PON3: variants seen among roughly 807,000 people sequenced by gnomAD.
The protein encoded by PON3 is paraoxonase 3, also known as serum paraoxonase/lactonase 3.
PON3 carries 37 observed loss-of-function variants against 36.3 expected under a neutral mutation model. The ratio of observed to expected loss-of-function variants is 1.02; its 90% CI spans 0.78 to 1.34. PON3 has a LOEUF of 1.34. Ranked by LOEUF, PON3 falls within the 40% of genes most tolerant of loss-of-function variation. The pLI is 0.00. For missense variants in PON3, 415 were observed against 426.5 expected, an observed-to-expected ratio of 0.97 and a Z score of 0.24; for synonymous variants, 155 against 154.8, an observed-to-expected ratio of 1.00 and a Z score of -0.01.
chr7:95,396,213 C>T, intron 1 of PON3, 64 bp downstream of exon 1: 1 of 1,564,756 alleles, frequency 6.4e-7, no homozygotes, highest in Non-Finnish European at 8.8e-7. Context: ...GCCAGGCAGC[C>T]CCTGACCTCA....
At chr7:95,391,087 C>A (rs924774846) in intron 2 of PON3, among the ~76,000 whole-genome samples, 1 of 152,192 alleles carries the variant, frequency 6.6e-6, no homozygotes, top group Non-Finnish European at 1.5e-5. Context: ...AACTTCATTT[C>A]TTTACTCTTT....
chr7:95,365,283 G>A (rs1808665816), intron 5 of PON3: 1 of 152,224 alleles, frequency 6.6e-6, no homozygotes, highest in South Asian at 2.1e-4. Context: ...TTCCCAGAGG[G>A]GCAGCCTAGC....
chr7:95,381,061 GA>G (rs1184583594), intron 3 of PON3, among the ~76,000 whole-genome samples: 7 of 152,172 alleles, frequency 4.6e-5, no homozygotes, highest in Non-Finnish European at 8.8e-5. Context: ...CGATATTAAA[GA>G]AAAGAATTTT....
chr7:95,368,595 A>T (rs2116384784), intron 4 of PON3, among the ~76,000 whole-genome samples: 1 of 152,300 alleles, frequency 6.6e-6, no homozygotes, highest in South Asian at 2.1e-4. Context: ...CTTTCCAAAT[A>T]AGATATACTT....
intron 8 of PON3, among the ~76,000 whole-genome samples, chr7:95,361,891 T>C (rs967476390): frequency 1.3e-5 from 2 of 152,198 alleles, no homozygotes; most frequent in Admixed American, 6.5e-5. Flanking sequence ...ACAAATGATA[T>C]CTTGAAAATA....
Position 95,362,839 on chromosome 7 carries a change from T to A in PON3, c.698A>T (p.Tyr233Phe). Residue 233 changes from tyrosine (Y) to phenylalanine (F), a missense_variant and splice_region_variant, in exon 7 of 9, where the codon TAT becomes TTT. Transcript: ENST00000265627. ...AGCTGCTACATCAGCTACATAGACATACCTTTGAAGTAAATGACATTTACA... is the reference window on the plus strand; with the variant it reads ...AGCTGCTACATCAGCTACATAGACAAACCTTTGAAGTAAATGACATTTACA... ...NGITVSADQK[Y>F]VYVADVAAKN... 6.2e-7 allele frequency: 1 copy of A among 1,604,494 alleles called. No homozygotes were observed. The highest frequency in any genetic ancestry group is 8.5e-7 in the Non-Finnish European group (1 of 1,171,550).
intron 3 of PON3, among the ~76,000 whole-genome samples, chr7:95,381,232 C>G (rs1809046253): frequency 6.6e-6 from 1 of 152,160 alleles, no homozygotes; most frequent in Non-Finnish European, 1.5e-5. Context: ...CAACCAGTAC[C>G]AGCCACTGCA....
At chr7:95,390,234 AAAAT>A in intron 2 of PON3, 25 bp from the exon 3 acceptor site, 1 of 1,567,530 alleles carries the variant, frequency 6.4e-7, no homozygotes, top group East Asian at 2.2e-5. Context: ...TAGAATCAGA[AAAAT>A]GCATATATGA....
intron 3 of PON3, among the ~76,000 whole-genome samples, chr7:95,389,146 T>C (rs1809264011): frequency 2.0e-5 from 3 of 152,156 alleles, no homozygotes; most frequent in South Asian, 2.1e-4. Context: ...AAAACTTTTC[T>C]AGACCATTTT....
Position 95,376,941 on chromosome 7 carries a change from G to A in PON3, c.202-4603C>T, listed in dbSNP as rs144947750. ...TGGAGGGCAAGCCAAAGTGGGGCAGGGCGTCACCTCACCCAGGAAGTGCAA... is the reference window on the plus strand; with the variant it reads ...TGGAGGGCAAGCCAAAGTGGGGCAGAGCGTCACCTCACCCAGGAAGTGCAA... On this transcript the variant is annotated intron_variant, in intron 3 of 8. Transcript: ENST00000265627. Among the ~76,000 whole-genome samples, 948 of 152,292 alleles carry A rather than the reference G, an allele frequency of 6.2e-3. 9 individuals carry two copies. Among genetic ancestry groups the A allele is most frequent in the African/African-American group, 0.022 (896 of 41,554 alleles).
intron 3 of PON3, among the ~76,000 whole-genome samples, chr7:95,388,128 G>C (rs1439359132): frequency 6.6e-6 from 1 of 152,076 alleles, no homozygotes; most frequent in Non-Finnish European, 1.5e-5. Context: ...CACAGCAAAA[G>C]AAACTATCAT....
At chr7:95,372,896 T>A (rs1407258797) in intron 3 of PON3, among the ~76,000 whole-genome samples, 1 of 152,204 alleles carries the variant, frequency 6.6e-6, no homozygotes, top group Admixed American at 6.5e-5. Context: ...CCTATTTTGT[T>A]CCTATAGGTA....
chr7:95,379,958 C>G (rs182297724), intron 3 of PON3, among the ~76,000 whole-genome samples: 1 of 152,182 alleles, frequency 6.6e-6, no homozygotes, highest in Non-Finnish European at 1.5e-5. Context: ...CACCCCAGTA[C>G]GGGCAGACTG....
intron 1 of PON3, 145 bp from the exon 2 acceptor site, chr7:95,394,859 T>C: frequency 1.4e-6 from 1 of 714,954 alleles, no homozygotes; most frequent in South Asian, 1.5e-5. Flanking sequence ...GTACTTCCTT[T>C]CATGTTTATT....
At chr7:95,395,998 G>C in intron 1 of PON3, 1 of 475,612 alleles carries the variant, frequency 2.1e-6, no homozygotes, top group South Asian at 2.2e-5. Flanking sequence ...ATCACGTTCA[G>C]AAAGTAAAAG....
intron 5 of PON3, chr7:95,364,397 C>T: frequency 2.8e-6 from 1 of 361,674 alleles, no homozygotes; most frequent in Non-Finnish European, 5.2e-6. Flanking sequence ...TCACTGATAG[C>T]TATGGTTATC....
intron 3 of PON3, among the ~76,000 whole-genome samples, chr7:95,375,316 A>G (rs1407714434): frequency 2.0e-5 from 3 of 150,364 alleles, no homozygotes; most frequent in African/African-American, 4.9e-5. Flanking sequence ...ATATATATGT[A>G]TGTGTGTGTA....
At chr7:95,373,010 A>C (rs1484004854) in intron 3 of PON3, among the ~76,000 whole-genome samples, 1 of 152,168 alleles carries the variant, frequency 6.6e-6, no homozygotes, top group Non-Finnish European at 1.5e-5. Context: ...GGTAGCTATT[A>C]ATCAACAATA....
At position 95,367,340 on chromosome 7, in the gene PON3, G is replaced by A. The variant is rs181114611; in HGVS notation, c.494+22C>T. 9.8e-5 allele frequency: 158 copies of A among 1,608,692 alleles called. No individual in the cohort carries two copies. In the East Asian group the frequency reaches 2.2e-3, roughly 23 times the overall value. ...GCAGAGGTGCAAAGTAAATAGAACC[G>A]CACAATACTTTCATTCCATACCTTT... On this transcript the variant is annotated intron_variant, in intron 5 of 8. Transcript: ENST00000265627.
Sources: gnomAD v4.1 joint callset for allele counts (sites outside exome capture counted in the v4.1 genomes callset) on GRCh38, gnomAD v4.1.1 for gene constraint, MANE v1.5 for transcripts, NCBI Gene and HGNC (gene_info 2026-07-23, HGNC 2026-07-21) for gene names.